RALGAPB: variants seen among roughly 807,000 people sequenced by gnomAD.
RALGAPB encodes ral GTPase-activating protein subunit beta.
A neutral mutation model predicts 161.1 loss-of-function variants in RALGAPB; 25 were observed. The observed-to-expected ratio is 0.16, with a 90% confidence interval of 0.11 to 0.22. RALGAPB has a LOEUF of 0.22. RALGAPB is among the 10% of genes least tolerant of loss of function. RALGAPB has a pLI of 1.00. For missense variants in RALGAPB, 1,391 were observed against 1,815.2 expected (o/e 0.77, Z 4.25); for synonymous variants, 629 against 626.1 (o/e 1.00, Z -0.07).
In RALGAPB at chr20:38,576,904, T is replaced by C. The variant is rs2088459712; in HGVS notation, c.*1937T>C. 6.5e-6 allele frequency: 1 copy of C among 152,680 alleles called. No individual in the cohort carries two copies. The highest frequency in any genetic ancestry group is 1.5e-5 in the Non-Finnish European group (1 of 68,046). The allele number at this position is 152,680 out of a possible 1,614,324, so 9.5% of individuals were successfully genotyped here. Reference sequence around the variant, plus strand: ...AGTGTGATTCTTCAGATCAAACTTTTACTTTTGGCATAGTTAATTTCAGAA... The same window carrying C: ...AGTGTGATTCTTCAGATCAAACTTTCACTTTTGGCATAGTTAATTTCAGAA... On this transcript the variant is annotated 3_prime_UTR_variant, in exon 30 of 30. Coordinates refer to ENST00000262879, the MANE Select transcript of RALGAPB (RefSeq NM_020336.4).
intron 16 of RALGAPB, chr20:38,538,251 A>C (rs912514869): frequency 5.9e-6 from 1 of 168,248 alleles, no homozygotes; most frequent in African/African-American, 2.4e-5. Context: ...TAACTACTGC[A>C]TTGATACTGC....
At chr20:38,561,710 T>G (rs1156244754) in intron 23 of RALGAPB, among the ~76,000 whole-genome samples, 1 of 152,208 alleles carries the variant, frequency 6.6e-6, no homozygotes, top group Non-Finnish European at 1.5e-5. Context: ...AAAGTGAGTT[T>G]TTCAAGAGCA....
intron 15 of RALGAPB, among the ~76,000 whole-genome samples, chr20:38,534,726 T>C (rs1025671886): frequency 2.0e-5 from 3 of 152,242 alleles, no homozygotes; most frequent in African/African-American, 4.8e-5. Flanking sequence ...AAGGAAATAA[T>C]TGATAGCCTT....
intron 5 of RALGAPB, among the ~76,000 whole-genome samples, chr20:38,508,377 C>G (rs897286087): frequency 6.6e-6 from 1 of 151,820 alleles, no homozygotes; most frequent in Admixed American, 6.6e-5. Flanking sequence ...TTAGGCTAGT[C>G]AAACCAGAAA....
At chr20:38,554,798 C>T (rs143994231) in intron 22 of RALGAPB, among the ~76,000 whole-genome samples, 94 of 152,274 alleles carry the variant, frequency 6.2e-4, no homozygotes, top group African/African-American at 2.1e-3. Context: ...AATTTTACAG[C>T]CAGGTGCGGT....
At chr20:38,561,238 G>T (rs958800319) in intron 23 of RALGAPB, among the ~76,000 whole-genome samples, 28 of 152,314 alleles carry the variant, frequency 1.8e-4, no homozygotes, top group African/African-American at 6.7e-4. Flanking sequence ...GCAGGAGAAT[G>T]GCGTGAACCC....
At chr20:38,557,184 C>T (rs1349638912) in intron 22 of RALGAPB, among the ~76,000 whole-genome samples, 1 of 152,112 alleles carries the variant, frequency 6.6e-6, no homozygotes. Context: ...AACAAAAATG[C>T]ATTTTTGAAA....
intron 20 of RALGAPB, among the ~76,000 whole-genome samples, chr20:38,550,008 A>T (rs1052174547): frequency 1.3e-5 from 2 of 152,218 alleles, no homozygotes; most frequent in East Asian, 3.9e-4. Flanking sequence ...CATGGATGAA[A>T]TTGGAAATCA....
chr20:38,528,870 C>G (rs2086557510), intron 13 of RALGAPB, among the ~76,000 whole-genome samples: 1 of 152,042 alleles, frequency 6.6e-6, no homozygotes, highest in South Asian at 2.1e-4. Flanking sequence ...TTAGTAGACA[C>G]AGGATTTTAC....
At chr20:38,514,116 A>G (rs1370892265) in intron 6 of RALGAPB, among the ~76,000 whole-genome samples, 1 of 152,232 alleles carries the variant, frequency 6.6e-6, no homozygotes, top group African/African-American at 2.4e-5. Flanking sequence ...AAAAGAGATT[A>G]TGTGAAGATA....
intron 5 of RALGAPB, among the ~76,000 whole-genome samples, chr20:38,504,949 G>C (rs1334507379): frequency 6.6e-6 from 1 of 152,180 alleles, no homozygotes; most frequent in Admixed American, 6.5e-5. Context: ...AAGACTGCAG[G>C]GAAAAGGGAA....
At position 38,517,488 on chromosome 20, in the gene RALGAPB, CT is replaced by C. The variant is rs745444282; in HGVS notation, c.1052-4del. The stretch of plus-strand genomic sequence containing the variant: ...ACCTATGAAGAATAATTTCATTTGT[CT>C]TTTTTTTTTTTTTAAGGTATTTCTA... On this transcript the variant is annotated splice_polypyrimidine_tract_variant and intron_variant, in intron 7 of 29. Transcript: ENST00000262879. 152,842 of 1,055,078 alleles carry C rather than the reference CT, an allele frequency of 0.14. 6 individuals carry two copies. The highest frequency in any genetic ancestry group is 0.18 in the South Asian group (10,177 of 56,718). The allele number at this position is 1,055,078 out of a possible 1,614,324, so 65.4% of individuals were successfully genotyped here. A position where few individuals can be genotyped will look rare whatever the true frequency, so the allele number is the denominator to read the frequency against.
chr20:38,488,528 G>A lies in RALGAPB; in HGVS notation c.96G>A (p.Glu32=). The change falls in exon 2 of 30, where the codon GAG becomes GAA. Residue 32 remains glutamate, a synonymous_variant. Coordinates refer to ENST00000262879, the MANE Select transcript of RALGAPB (RefSeq NM_020336.4). The part of the protein sequence containing the change: ...LHSYPESVGR[E]VANAVVRPLG... The stretch of plus-strand genomic sequence containing the variant: ...GCTATCCAGAGAGCGTTGGACGAGA[G>A]GTGGCAAATGCTGTAGTCCGTCCTC... 6.2e-7 allele frequency: 1 copy of A among 1,614,186 alleles called. No individual in the cohort carries two copies. The highest frequency in any genetic ancestry group is 8.5e-7 in the Non-Finnish European group (1 of 1,180,022).
At chr20:38,474,079 C>T (rs1313856347) in intron 1 of RALGAPB, among the ~76,000 whole-genome samples, 1 of 152,200 alleles carries the variant, frequency 6.6e-6, no homozygotes, top group Non-Finnish European at 1.5e-5. Flanking sequence ...TCTGAGTCAT[C>T]TGGAACATTT....
At chr20:38,525,067 G>A (rs566129983) in intron 11 of RALGAPB, 122 bp downstream of exon 11, 44 of 962,918 alleles carry the variant, frequency 4.6e-5, no homozygotes, top group Admixed American at 9.0e-5. Context: ...GAACTCAGGC[G>A]ACATTAAATG....
chr20:38,569,865 C>G, intron 26 of RALGAPB, 23 bp from the exon 27 acceptor site: 1 of 1,584,064 alleles, frequency 6.3e-7, no homozygotes, highest in Non-Finnish European at 8.7e-7. Context: ...TTCCCGCTCT[C>G]TGTCTTCTTC....
intron 4 of RALGAPB, among the ~76,000 whole-genome samples, chr20:38,498,177 A>G (rs948332406): frequency 2.0e-5 from 3 of 152,216 alleles, no homozygotes; most frequent in South Asian, 2.1e-4. Context: ...TGGTAGTGAC[A>G]AGATATTTTA....
intron 11 of RALGAPB, 78 bp from the exon 12 acceptor site, chr20:38,525,326 T>C: frequency 8.6e-6 from 8 of 931,804 alleles, no homozygotes; most frequent in Non-Finnish European, 1.4e-5. Flanking sequence ...TTTGGAAAAA[T>C]TGGCATTATA....
rs143665587 is a variant in RALGAPB at position 38,493,061 on chromosome 20, G to A, written c.318G>A (p.Leu106=). 80 of 1,611,976 alleles carry A rather than the reference G, an allele frequency of 5.0e-5. No homozygotes were observed. In the African/African-American group the frequency reaches 8.4e-4, roughly 17 times the overall value. ...ALVLPKDSIP[L]PVIKEPNQYV... is the part of the protein sequence containing the mutation. ...TGTTGCCAAAAGATTCTATTCCATT[G>A]CCAGTTATTAAAGAGCCTAATCAAT... Residue 106 remains leucine, a synonymous_variant, in exon 3 of 30, where the codon TTG becomes TTA. Coordinates refer to ENST00000262879, the MANE Select transcript of RALGAPB (RefSeq NM_020336.4).
Sources: allele counts gnomAD v4.1 joint callset (sites outside exome capture counted in the v4.1 genomes callset), GRCh38; gene constraint gnomAD v4.1.1; transcripts MANE v1.5; gene names NCBI Gene and HGNC (gene_info 2026-07-23, HGNC 2026-07-21).